The following FHIT variants were observed in gnomAD, a reference collection of about 807,000 sequenced individuals.
The protein encoded by FHIT is fragile histidine triad diadenosine triphosphatase.
A neutral mutation model predicts 17.9 loss-of-function variants in FHIT; 19 were observed. The ratio of observed to expected loss-of-function variants is 1.06; its 90% confidence interval spans 0.74 to 1.56. FHIT has a LOEUF of 1.56. Among genes scored for constraint, FHIT ranks in the 40% most tolerant of loss-of-function variants. The pLI, the probability that FHIT is intolerant of heterozygous loss-of-function variation, is 0.00. For synonymous variants in FHIT, 81 were observed against 69.7 expected, an observed-to-expected ratio of 1.16 and a Z score of -0.81; for missense variants, 248 against 189.2, an observed-to-expected ratio of 1.31 and a Z score of -1.82.
chr3:60,356,193 T>C (rs1699645198), intron 5 of FHIT, among the ~76,000 whole-genome samples: 1 of 152,212 alleles, frequency 6.6e-6, no homozygotes, highest in African/African-American at 2.4e-5. Flanking sequence ...GTCTTGGGAT[T>C]TGCTGTATCA....
intron 8 of FHIT, among the ~76,000 whole-genome samples, chr3:59,808,390 C>T (rs1700284999): frequency 6.6e-6 from 1 of 152,104 alleles, no homozygotes; most frequent in East Asian, 1.9e-4. Flanking sequence ...GCTTTTCTGA[C>T]CTGGAGATGG....
At chr3:59,908,645 C>T (rs183584525) in intron 8 of FHIT, among the ~76,000 whole-genome samples, 404 of 152,160 alleles carry the variant, frequency 2.7e-3, no homozygotes, top group Non-Finnish European at 5.0e-3. Context: ...CTACCCCACA[C>T]GACATGTTGC....
chr3:61,248,309 G>A (rs774342506), intron 1 of FHIT, among the ~76,000 whole-genome samples: 5 of 152,106 alleles, frequency 3.3e-5, no homozygotes, highest in Non-Finnish European at 7.4e-5. Context: ...GGAGAGCGTG[G>A]GGGTGGGGGC....
At chr3:61,027,328 C>G (rs373398823) in intron 3 of FHIT, among the ~76,000 whole-genome samples, 1 of 152,302 alleles carries the variant, frequency 6.6e-6, no homozygotes, top group South Asian at 2.1e-4. Flanking sequence ...CTCAGGTGAT[C>G]CACCCACCTC....
chr3:59,951,568 G>C (rs1308797039), intron 7 of FHIT, among the ~76,000 whole-genome samples: 1 of 152,152 alleles, frequency 6.6e-6, no homozygotes, highest in Non-Finnish European at 1.5e-5. Context: ...TGACCCTTCA[G>C]CCAACTTGGG....
chr3:60,493,647 T>G (rs242219), intron 5 of FHIT, among the ~76,000 whole-genome samples: 3 of 151,904 alleles, frequency 2.0e-5, no homozygotes, highest in Non-Finnish European at 4.4e-5. Context: ...TTTTTAGACA[T>G]GGACATAAAG....
intron 3 of FHIT, among the ~76,000 whole-genome samples, chr3:60,830,585 G>T (rs1442353263): frequency 1.3e-5 from 2 of 152,128 alleles, no homozygotes; most frequent in African/African-American, 4.8e-5. Flanking sequence ...GCTACTTTAT[G>T]ACAAAATGGA....
chr3:59,962,700 C>A (rs1707743045), intron 7 of FHIT, among the ~76,000 whole-genome samples: 1 of 152,118 alleles, frequency 6.6e-6, no homozygotes, highest in Non-Finnish European at 1.5e-5. Flanking sequence ...TGGAAGGAAA[C>A]TGATGGAAAA....
intron 5 of FHIT, among the ~76,000 whole-genome samples, chr3:60,230,185 C>T (rs922763959): frequency 6.6e-6 from 1 of 152,134 alleles, no homozygotes; most frequent in African/African-American, 2.4e-5. Flanking sequence ...AAGAGCCACA[C>T]GCGGCCACTG....
intron 1 of FHIT, among the ~76,000 whole-genome samples, chr3:61,210,981 A>T (rs2039448000): frequency 6.6e-6 from 1 of 152,078 alleles, no homozygotes; most frequent in South Asian, 2.1e-4. Flanking sequence ...ATAACAAATT[A>T]TCCAAAAACT....
intron 3 of FHIT, among the ~76,000 whole-genome samples, chr3:60,879,714 T>C (rs566881743): frequency 2.0e-5 from 3 of 151,690 alleles, no homozygotes; most frequent in Admixed American, 6.6e-5. Flanking sequence ...TCAACAGAGA[T>C]AGATATTATA....
chr3:60,826,795 TTTACAG>T (rs1702139982), intron 3 of FHIT, among the ~76,000 whole-genome samples: 2 of 111,420 alleles, frequency 1.8e-5, no homozygotes, highest in Non-Finnish European at 4.7e-5. Flanking sequence ...GGAACACACA[TTTACAG>T]ACAAAGTAAA....
chr3:60,865,339 C>T (rs782758775), intron 3 of FHIT, among the ~76,000 whole-genome samples: 1 of 152,136 alleles, frequency 6.6e-6, no homozygotes, highest in Non-Finnish European at 1.5e-5. Flanking sequence ...CATTTCAAGT[C>T]CTCAACAGCC....
intron 5 of FHIT, among the ~76,000 whole-genome samples, chr3:60,063,642 G>T (rs1388149873): frequency 6.6e-6 from 1 of 152,182 alleles, no homozygotes; most frequent in Non-Finnish European, 1.5e-5. Flanking sequence ...TGTTGAGAGA[G>T]AACATTTCTT....
chr3:59,927,473 A>AC (rs1232334101), intron 7 of FHIT, among the ~76,000 whole-genome samples: 2 of 139,878 alleles, frequency 1.4e-5, no homozygotes, highest in Non-Finnish European at 3.0e-5. Flanking sequence ...TAAAAAAAAA[A>AC]AAAAAAACTG....
intron 2 of FHIT, among the ~76,000 whole-genome samples, chr3:61,092,193 T>C (rs546013896): frequency 1.6e-4 from 24 of 152,174 alleles, no homozygotes; most frequent in African/African-American, 5.8e-4. Context: ...GCAAGGTGTT[T>C]GACAGCTCCA....
Position 61,076,210 on chromosome 3 carries a change from A to T in FHIT, c.-163-34111T>A, listed in dbSNP as rs1477639639. ...CTACGATGGAGGCATGCCAAAAACA[A>T]GCGATGCAGAGGGGAGACCCTTAAA... On this transcript the variant is annotated intron_variant, in intron 2 of 9. Coordinates refer to ENST00000492590, the MANE Select transcript of FHIT (RefSeq NM_002012.4). 3.3e-5 allele frequency among the ~76,000 whole-genome samples: 5 copies of T among 152,202 alleles called. No individual in the cohort carries two copies. The East Asian group carries it at 9.6e-4, about 29-fold the overall frequency.
rs573135230 is a variant in FHIT at position 59,832,025 on chromosome 3, C to T, written c.349-79704G>A. Among the ~76,000 whole-genome samples the T allele has an allele frequency of 6.6e-5, 10 of 152,166 alleles. No homozygotes were observed. In the East Asian group the frequency reaches 1.9e-3, roughly 29 times the overall value. ...GGGTAGTTAACATGTTATCCCTGCA[C>T]CTGAGTAAATTAACCCATTACTCCT... On this transcript the variant is annotated intron_variant, in intron 8 of 9. Transcript: ENST00000492590.
At chr3:60,864,779 G>A (rs1244821734) in intron 3 of FHIT, among the ~76,000 whole-genome samples, 2 of 152,000 alleles carry the variant, frequency 1.3e-5, no homozygotes, top group Admixed American at 1.3e-4. Context: ...GATATTAGTG[G>A]ACACTCTTAG....
Sources: allele counts gnomAD v4.1 joint callset (sites outside exome capture counted in the v4.1 genomes callset), GRCh38; gene constraint gnomAD v4.1.1; transcripts MANE v1.5; gene names NCBI Gene and HGNC (gene_info 2026-07-23, HGNC 2026-07-21).